GPHN: variants seen among roughly 807,000 people sequenced by gnomAD.
The protein encoded by GPHN is gephyrin.
Under a neutral mutation model 95.5 loss-of-function variants are expected in GPHN, and 17 were observed. That is an observed-to-expected ratio of 0.18 (90% confidence interval 0.12 to 0.27). GPHN has a LOEUF of 0.27. Ranked by LOEUF, GPHN falls within the 10% of genes least tolerant of loss-of-function variation. The pLI, the probability that GPHN is intolerant of heterozygous loss-of-function variation, is 1.00. For synonymous variants in GPHN, 320 were observed against 322.5 expected (o/e 0.99, Z 0.08); for missense variants, 660 against 978.1 (o/e 0.67, Z 4.34).
the GPHN span, among the ~76,000 whole-genome samples, chr14:67,268,693 C>T: frequency 6.6e-6 from 1 of 152,168 alleles, no homozygotes; most frequent in Non-Finnish European, 1.5e-5. Flanking sequence ...ATATAGTGAG[C>T]AGTGAGCACA....
chr14:67,447,197 G>T, the GPHN span: 1 of 152,210 alleles, frequency 6.6e-6, no homozygotes, highest in African/African-American at 2.4e-5. Context: ...TTCAAAGATA[G>T]CACCTTCTGC....
Position 66,684,970 on chromosome 14 carries a change from A to G in GPHN, c.143+3785A>G, listed in dbSNP as rs573760525. Among the ~76,000 whole-genome samples, 27 of 152,198 alleles carry G rather than the reference A, an allele frequency of 1.8e-4. 1 individual carries two copies. The South Asian group carries it at 5.0e-3, about 28-fold the overall frequency. On this transcript the variant is annotated intron_variant, in intron 2 of 22. Transcript: ENST00000478722. ...TGTGTCCAAGTGTTCTCATTGTTCA[A>G]TTCCCACCTATGAGTGAGAACATGC...
the GPHN span, chr14:67,412,256 C>T: frequency 2.1e-6 from 1 of 468,590 alleles, no homozygotes; most frequent in African/African-American, 2.1e-5. Context: ...GGATTTCTGA[C>T]GTGACGTTTC....
intron 5 of GPHN, among the ~76,000 whole-genome samples, chr14:66,904,650 T>C (rs1170578182): frequency 6.6e-6 from 1 of 152,058 alleles, no homozygotes; most frequent in Non-Finnish European, 1.5e-5. Context: ...CCAACTGCTG[T>C]TGGGAATTGG....
At chr14:66,607,842 G>A (rs1341185359) in intron 1 of GPHN, among the ~76,000 whole-genome samples, 3 of 151,796 alleles carry the variant, frequency 2.0e-5, no homozygotes, top group Non-Finnish European at 2.9e-5. Flanking sequence ...CAGTTGTAAT[G>A]TCATCTTTGT....
rs554254463 is a variant in GPHN, at chr14:67,146,457, A to C, written c.1836+3008A>C. ...TACTATAAGTTTTCTTCGACCTACAAAATTATTAAATAACTCAAAGACAAT... is the reference window on the plus strand; with the variant it reads ...TACTATAAGTTTTCTTCGACCTACACAATTATTAAATAACTCAAAGACAAT... On this transcript the variant is annotated intron_variant, in intron 18 of 22. Transcript: ENST00000478722. Among the ~76,000 whole-genome samples, 5 of 152,316 alleles carry C rather than the reference A, an allele frequency of 3.3e-5. 2 individuals carry two copies. Among genetic ancestry groups the C allele is most frequent in the African/African-American group, 1.2e-4 (5 of 41,568 alleles).
intron 9 of GPHN, among the ~76,000 whole-genome samples, chr14:66,987,555 A>T (rs1353729079): frequency 6.6e-6 from 1 of 152,052 alleles, no homozygotes; most frequent in East Asian, 1.9e-4. Context: ...ATTAATATGG[A>T]TGCAGTCTTG....
chr14:66,945,801 AT>A (rs1427777889), intron 8 of GPHN, among the ~76,000 whole-genome samples: 4 of 152,166 alleles, frequency 2.6e-5, no homozygotes, highest in African/African-American at 9.6e-5. Flanking sequence ...AAAGCATACA[AT>A]TTTTAATATG....
chr14:67,359,634 G>C, the GPHN span: 7 of 1,613,564 alleles, frequency 4.3e-6, no homozygotes, highest in Non-Finnish European at 4.2e-6. Context: ...CTGTGAAAGC[G>C]GCTTATCCCA....
At chr14:67,111,788 A>G (rs2078391120) in intron 14 of GPHN, 73 bp from the exon 15 acceptor site, 2 of 1,113,780 alleles carry the variant, frequency 1.8e-6, no homozygotes, top group Admixed American at 1.7e-5. Flanking sequence ...ATCTGATGGT[A>G]AAAGTATCGG....
intron 10 of GPHN, among the ~76,000 whole-genome samples, chr14:67,044,406 G>A (rs919094653): frequency 6.6e-6 from 1 of 152,002 alleles, no homozygotes; most frequent in South Asian, 2.1e-4. Flanking sequence ...GCCTTAGCCC[G>A]TGTTTGTTCG....
At chr14:66,686,840 A>G (rs7141582) in intron 2 of GPHN, among the ~76,000 whole-genome samples, 47,797 of 151,904 alleles carry the variant, frequency 0.31, 11,515 homozygotes, top group African/African-American at 0.65. Flanking sequence ...GTTTTTAAAG[A>G]GAATGCTTCC....
chr14:67,371,580 T>A, the GPHN span, among the ~76,000 whole-genome samples: 1 of 152,220 alleles, frequency 6.6e-6, no homozygotes, highest in South Asian at 2.1e-4. Context: ...GGTTGTTTAG[T>A]ATACTCTATT....
At chr14:67,591,106 AATAC>A in the GPHN span, among the ~76,000 whole-genome samples, 2 of 152,170 alleles carry the variant, frequency 1.3e-5, no homozygotes, top group Non-Finnish European at 2.9e-5. Context: ...AATAGATACA[AATAC>A]ATAATATTCA....
At chr14:66,852,592 C>A (rs2062635316) in intron 4 of GPHN, among the ~76,000 whole-genome samples, 1 of 152,036 alleles carries the variant, frequency 6.6e-6, no homozygotes, top group Non-Finnish European at 1.5e-5. Context: ...TGCATGCATG[C>A]CTAAGGAGAA....
chr14:66,552,908 A>G (rs1309629297), intron 1 of GPHN, among the ~76,000 whole-genome samples: 1 of 150,406 alleles, frequency 6.6e-6, no homozygotes, highest in Non-Finnish European at 1.5e-5. Flanking sequence ...TATTGATTCT[A>G]ATGTATCTCA....
At position 66,550,652 on chromosome 14, in the gene GPHN, A is replaced by T. The variant is rs1230005677; in HGVS notation, c.64+42061A>T. On this transcript the variant is annotated intron_variant, in intron 1 of 22. Coordinates refer to ENST00000478722, the MANE Select transcript of GPHN (RefSeq NM_020806.5). ...TGCCTGCTACAGATAAATATTTTGTAAAAAGAAGAGTCAACTGATGCAGCA... is the reference window on the plus strand; with the variant it reads ...TGCCTGCTACAGATAAATATTTTGTTAAAAGAAGAGTCAACTGATGCAGCA... Among the ~76,000 whole-genome samples, 4 of 152,210 alleles carry T rather than the reference A, an allele frequency of 2.6e-5. No homozygotes were observed. The East Asian group carries it at 7.7e-4, about 29-fold the overall frequency.
chr14:66,997,421 A>G (rs1306561077), intron 9 of GPHN, among the ~76,000 whole-genome samples: 1 of 151,130 alleles, frequency 6.6e-6, no homozygotes, highest in East Asian at 1.9e-4. Flanking sequence ...TAAGACCTTC[A>G]TTCTTTTTTT....
the GPHN span, among the ~76,000 whole-genome samples, chr14:67,316,400 G>A: frequency 6.6e-6 from 1 of 150,800 alleles, no homozygotes; most frequent in Non-Finnish European, 1.5e-5. Context: ...ATGGTTTCTT[G>A]GAATTGAATA....
Sources: allele counts gnomAD v4.1 joint callset (sites outside exome capture counted in the v4.1 genomes callset), GRCh38; gene constraint gnomAD v4.1.1; transcripts MANE v1.5; gene names NCBI Gene and HGNC (gene_info 2026-07-23, HGNC 2026-07-21).